Variants in COL12A1 observed in about 807,000 individuals in gnomAD.
The protein encoded by COL12A1 is collagen type XII alpha 1 chain.
In COL12A1, 114 loss-of-function variants were observed where a neutral mutation model predicts 349.7. That is an observed-to-expected ratio of 0.33 (90% CI 0.28 to 0.38). The LOEUF (loss-of-function observed/expected upper bound fraction) is 0.38, where lower values mean the gene tolerates loss of function less well. COL12A1 is among the 10% of genes least tolerant of loss of function. COL12A1 has a pLI of 1.00. For missense variants in COL12A1, 3,284 were observed against 3,756.9 expected (o/e 0.87, Z 3.29); for synonymous variants, 1,369 against 1,329.0 (o/e 1.03, Z -0.66).
chr6:75,101,730 A>T (rs1007566560), intron 57 of COL12A1, 77 bp from the exon 58 acceptor site: 18 of 1,414,946 alleles, frequency 1.3e-5, no homozygotes, highest in Middle Eastern at 1.9e-4. Flanking sequence ...TATTTTCCAA[A>T]TTTTTTTTTT....
In COL12A1 at chr6:75,181,217, TA is replaced by T. The variant is rs11347601; in HGVS notation, c.1892-7del. 119,743 of 1,245,512 alleles carry T rather than the reference TA, an allele frequency of 0.096. 2,790 individuals are homozygous for T. Among genetic ancestry groups the T allele is most frequent in the South Asian group, 0.21 (14,595 of 70,192 alleles). The allele number at this position is 1,245,512 out of a possible 1,614,324, so 77.2% of individuals were successfully genotyped here. A position where few individuals can be genotyped will look rare whatever the true frequency, so the allele number is the denominator to read the frequency against. On this transcript the variant is annotated splice_polypyrimidine_tract_variant and splice_region_variant and intron_variant, in intron 10 of 65. Coordinates refer to ENST00000322507, the MANE Select transcript of COL12A1 (RefSeq NM_004370.6). ...ATCCTTTGGAGGGACGTAAGCTATTTAAAAAAAAAAAAAGACAGTTAAAAAT... is the reference window on the plus strand; with the variant it reads ...ATCCTTTGGAGGGACGTAAGCTATTTAAAAAAAAAAAAGACAGTTAAAAAT...
intron 1 of COL12A1, 50 bp from the exon 2 acceptor site, chr6:75,202,877 G>A: frequency 7.6e-7 from 1 of 1,319,694 alleles, no homozygotes; most frequent in Non-Finnish European, 1.1e-6. Context: ...GGCAGGCCTT[G>A]AACCAGGTTA....
intron 27 of COL12A1, among the ~76,000 whole-genome samples, 190 bp from the exon 28 acceptor site, chr6:75,139,151 T>A (rs1231174990): frequency 6.6e-6 from 1 of 152,246 alleles, no homozygotes; most frequent in Non-Finnish European, 1.5e-5. Flanking sequence ...TATAATAGGT[T>A]ATTAAGGATA....
intron 51 of COL12A1, among the ~76,000 whole-genome samples, chr6:75,110,881 TAA>T (rs1164789475): frequency 1.3e-5 from 2 of 151,914 alleles, no homozygotes; most frequent in African/African-American, 4.8e-5. Context: ...CTTGGCTCAG[TAA>T]AAAAATGTGA....
In COL12A1 at chr6:75,189,577, T is replaced by A. The variant is rs541648868; in HGVS notation, c.633A>T (p.Pro211=). The change falls in exon 6 of 66, where the codon CCA becomes CCT. Residue 211 remains proline, a synonymous_variant. Transcript: ENST00000322507. ...CTGTCATTGTGTTGCCACCTTTATA[T>A]GGAATTTTTTTTATTGCAGCAAGAA... The part of the protein sequence containing the change: ...DELLAAIKKI[P]YKGGNTMTGD... 6.2e-7 allele frequency: 1 copy of A among 1,612,964 alleles called. No individual in the cohort carries two copies. The highest frequency in any genetic ancestry group is 8.5e-7 in the Non-Finnish European group (1 of 1,179,386).
chr6:75,136,921 G>A (rs1215003361), intron 31 of COL12A1, among the ~76,000 whole-genome samples: 3 of 152,082 alleles, frequency 2.0e-5, no homozygotes, highest in African/African-American at 7.2e-5. Context: ...CCTCCATTTG[G>A]ATAATAGAAA....
chr6:75,123,989 G>T lies in COL12A1; in HGVS notation c.6830C>A (p.Pro2277Gln). 6.2e-7 allele frequency: 1 copy of T among 1,613,530 alleles called. No individual in the cohort carries two copies. The highest frequency in any genetic ancestry group is 8.5e-7 in the Non-Finnish European group (1 of 1,179,652). The change falls in exon 42 of 66, where the codon CCA becomes CAA. Residue 2277 changes from proline (P) to glutamine (Q), a missense_variant. This residue lies in a region of COL12A1 where 2,601 missense variants were observed against 2,824.8 expected (regional missense o/e 0.92). Coordinates refer to ENST00000322507, the MANE Select transcript of COL12A1 (RefSeq NM_004370.6). ...DYGVTVFVQTPNLEGPGVSVK... is the reference protein window; with the variant it reads ...DYGVTVFVQTQNLEGPGVSVK... ...AGAGACTCCTGGTCCCTCGAGATTTGGTGTCTGCACAAAAACAGTGACACC... is the reference window on the plus strand; with the variant it reads ...AGAGACTCCTGGTCCCTCGAGATTTTGTGTCTGCACAAAAACAGTGACACC...
chr6:75,188,337 G>T, intron 8 of COL12A1, 25 bp downstream of exon 8: 1 of 1,589,564 alleles, frequency 6.3e-7, no homozygotes, highest in Non-Finnish European at 8.5e-7. Context: ...ACTAACACAT[G>T]GGGAATGCTA....
rs930786960 is a variant in COL12A1, at chr6:75,201,830, C to G, written c.73+890G>C. On this transcript the variant is annotated intron_variant, in intron 2 of 65. Transcript: ENST00000322507. The stretch of plus-strand genomic sequence containing the variant: ...AAATAAAATTGGGTGGGACATCTAA[C>G]AAAAGCCCTCCATTTTCTAGAGGAG... Among the ~76,000 whole-genome samples the G allele has an allele frequency of 3.9e-5, 6 of 152,094 alleles. 1 individual carries two copies. Among genetic ancestry groups the G allele is most frequent in the South Asian group, 4.1e-4 (2 of 4,820 alleles).
intron 13 of COL12A1, among the ~76,000 whole-genome samples, chr6:75,171,450 T>C (rs1768629523): frequency 6.6e-6 from 1 of 152,228 alleles, no homozygotes; most frequent in Non-Finnish European, 1.5e-5. Context: ...TTAGGGATGG[T>C]TGTAGACCAC....
At position 75,177,688 on chromosome 6, in the gene COL12A1, T is replaced by C. The variant is rs747898911; in HGVS notation, c.2412A>G (p.Leu804=). 2 of 1,614,154 alleles carry C rather than the reference T, an allele frequency of 1.2e-6. No individual in the cohort carries two copies. Among genetic ancestry groups the C allele is most frequent in the South Asian group, 2.2e-5 (2 of 91,080 alleles). Residue 804 remains leucine (L), a synonymous_variant, in exon 12 of 66, where the codon TTA becomes TTG. Coordinates refer to ENST00000322507, the MANE Select transcript of COL12A1 (RefSeq NM_004370.6). The part of the protein sequence containing the change: ...PEYFSGPGTP[L]TGNAATEEVR... ...CTTCTTCAGTGGCTGCATTTCCAGTTAATGGAGTACCAGGTCCTGAGAAAT... is the reference window on the plus strand; with the variant it reads ...CTTCTTCAGTGGCTGCATTTCCAGTCAATGGAGTACCAGGTCCTGAGAAAT...
At chr6:75,149,943 A>G (rs1767398192) in intron 21 of COL12A1, among the ~76,000 whole-genome samples, 2 of 152,164 alleles carry the variant, frequency 1.3e-5, no homozygotes, top group South Asian at 4.1e-4. Context: ...AAGCCTACAA[A>G]TTCTGGCTGC....
chr6:75,134,427 C>T (rs577929352), intron 32 of COL12A1, among the ~76,000 whole-genome samples: 157 of 151,844 alleles, frequency 1.0e-3, no homozygotes, highest in South Asian at 9.6e-3. Context: ...AAAAATTAGC[C>T]GGGTGTGGTG....
Position 75,191,801 on chromosome 6 carries a change from A to G in COL12A1, c.335-41T>C, listed in dbSNP as rs539345378. On this transcript the variant is annotated intron_variant, in intron 4 of 65. Transcript: ENST00000322507. ...ATTATTACAAAAGGAAATGAACCCA[A>G]GCAGATATTCTCTTTAAAATAGAAT... 14 of 1,338,212 alleles carry G rather than the reference A, an allele frequency of 1.0e-5. No homozygotes were observed. The African/African-American group carries it at 1.5e-4, about 14-fold the overall frequency. The allele number at this position is 1,338,212 out of a possible 1,614,324, so 82.9% of individuals were successfully genotyped here.
rs745983844 is a variant in COL12A1 at position 75,142,064 on chromosome 6, T to C, written c.4925A>G (p.Glu1642Gly). The change falls in exon 27 of 66, where the codon GAG (glutamate) becomes GGG (glycine). Residue 1642 changes from glutamate (E) to glycine (G), a missense_variant. Coordinates refer to ENST00000322507, the MANE Select transcript of COL12A1 (RefSeq NM_004370.6). ...VSVSAVHDEG[E>G]SPPVTAQETT... ...TTCTTGAGCAGTCACTGGAGGAGAC[T>C]CCCCCTCGTCATGTACTGCAGAAAC... 2 of 1,613,968 alleles carry C rather than the reference T, an allele frequency of 1.2e-6. No individual in the cohort carries two copies. Among genetic ancestry groups the C allele is most frequent in the South Asian group, 1.1e-5 (1 of 91,080 alleles).
chr6:75,168,579 C>T (rs1768440633), intron 13 of COL12A1, among the ~76,000 whole-genome samples: 1 of 152,176 alleles, frequency 6.6e-6, no homozygotes, highest in African/African-American at 2.4e-5. Context: ...CCTGAAAAAA[C>T]AAAGGCTGGA....
chr6:75,189,043 T>C (rs1371730750), intron 7 of COL12A1, among the ~76,000 whole-genome samples, 174 bp downstream of exon 7: 3 of 152,012 alleles, frequency 2.0e-5, no homozygotes, highest in African/African-American at 4.8e-5. Context: ...ATGAGGGAAA[T>C]AGATAAGCAG....
chr6:75,141,895 A>G, intron 27 of COL12A1, 137 bp downstream of exon 27: 1 of 1,109,940 alleles, frequency 9.0e-7, no homozygotes, highest in Non-Finnish European at 1.3e-6. Context: ...AAAATAAGTG[A>G]AAAACAATCT....
At chr6:75,091,668 C>CTGCTTTTTATATCCATGTT in intron 60 of COL12A1, 143 bp from the exon 61 acceptor site, 1 of 760,052 alleles carries the variant, frequency 1.3e-6, no homozygotes, top group Non-Finnish European at 2.1e-6. Context: ...CCATGTTACT[C>CTGCTTTTTATATCCATGTT]ACATTCTGCT....
Sources: gnomAD v4.1 joint callset for allele counts (sites outside exome capture counted in the v4.1 genomes callset) on GRCh38, gnomAD v4.1.1 for gene constraint, gnomAD v4.1.1 regional missense constraint, MANE v1.5 for transcripts, NCBI Gene and HGNC (gene_info 2026-07-23, HGNC 2026-07-21) for gene names.